The following KRT4 variants were observed in gnomAD, a reference collection of about 807,000 sequenced individuals.
KRT4 encodes keratin 4.
A neutral mutation model predicts 50.6 loss-of-function variants in KRT4; 47 were observed. The ratio of observed to expected loss-of-function variants is 0.93; its 90% confidence interval spans 0.73 to 1.18. The LOEUF (loss-of-function observed/expected upper bound fraction) is 1.18. KRT4 is among the 50% of genes most tolerant of loss of function. The probability of loss-of-function intolerance (pLI) is 0.00; values close to 1 mark genes in which losing one functional copy is unlikely to be tolerated. For synonymous variants in KRT4, 254 were observed against 251.2 expected, an observed-to-expected ratio of 1.01 and a Z score of -0.10; for missense variants, 651 against 645.7, an observed-to-expected ratio of 1.01 and a Z score of -0.09.
chr12:52,812,576 G>C (rs184399703), intron 1 of KRT4, among the ~76,000 whole-genome samples: 13 of 152,276 alleles, frequency 8.5e-5, no homozygotes, highest in Non-Finnish European at 1.9e-4. Context: ...CAGGACAGCA[G>C]CTTAGCATGA....
chr12:52,813,550 G>T (rs199507755), intron 1 of KRT4, 47 bp downstream of exon 1: 1 of 1,542,488 alleles, frequency 6.5e-7, no homozygotes, highest in Non-Finnish European at 9.0e-7. Flanking sequence ...CAGGACTCAG[G>T]ACCCCTCTCT....
At chr12:52,813,536 A>G (rs562495015) in intron 1 of KRT4, 61 bp downstream of exon 1, 2 of 1,450,482 alleles carry the variant, frequency 1.4e-6, no homozygotes, top group Middle Eastern at 2.3e-4. Flanking sequence ...CAGGTCTGAG[A>G]CCCCAGGACT....
intron 1 of KRT4, 48 bp downstream of exon 1, chr12:52,813,548 AG>A (rs758318032): frequency 5.9e-6 from 9 of 1,528,678 alleles, no homozygotes; most frequent in Non-Finnish European, 8.2e-6. Flanking sequence ...CCCAGGACTC[AG>A]GACCCCTCTC....
rs937464890 is a variant in KRT4 at position 52,809,381 on chromosome 12, A to C, written c.834+2T>G. ...GGATGGAGGGGAGGATGGAGCCCTCACCGCATCATAGAGGACCTTCAGGAA... is the reference window on the plus strand; with the variant it reads ...GGATGGAGGGGAGGATGGAGCCCTCCCCGCATCATAGAGGACCTTCAGGAA... On this transcript the variant is annotated splice_donor_variant, in intron 4 of 8. Transcript: ENST00000551956. LOFTEE classifies it high-confidence loss of function. 6.2e-7 allele frequency: 1 copy of C among 1,605,192 alleles called. No individual in the cohort carries two copies. The highest frequency in any genetic ancestry group is 8.5e-7 in the Non-Finnish European group (1 of 1,171,816).
In KRT4 at chr12:52,813,690, G is replaced by A. The variant is rs982728670; in HGVS notation, c.369C>T (p.His123=). The change falls in exon 1 of 9, where the codon CAC becomes CAT. Residue 123 remains histidine, a synonymous_variant. Transcript: ENST00000551956. The part of the protein sequence containing the change: ...TINQSLLTPL[H]VEIDPEIQKV... ...TCTGGATCTCAGGGTCAATCTCCAC[G>A]TGGAGGGGGGTGAGCAAGCTCTGGT... 13 of 1,560,486 alleles carry A rather than the reference G, an allele frequency of 8.3e-6. No homozygotes were observed. Among genetic ancestry groups the A allele is most frequent in the East Asian group, 2.4e-5 (1 of 41,694 alleles).
Position 52,810,818 on chromosome 12 carries a change from T to C in KRT4, c.678-2A>G. ...CGTTTGTTGATCTCCTCTTCATACC[T>C]GGGGGTGGGCACGGGGAGAAAAAGA... On this transcript the variant is annotated splice_acceptor_variant, in intron 2 of 8. Transcript: ENST00000551956. LOFTEE classifies it high-confidence loss of function. The C allele has an allele frequency of 6.2e-7, 1 of 1,613,230 alleles. No homozygotes were observed. The highest frequency in any genetic ancestry group is 8.5e-7 in the Non-Finnish European group (1 of 1,179,182).
In KRT4 at chr12:52,810,678, C is replaced by T. The variant is rs1398970116; in HGVS notation, c.738+78G>A. The stretch of plus-strand genomic sequence containing the variant: ...AGGGATGAGGCAGAGATGGACCAAA[C>T]CCATGACTTCAGCCAAAGACCACTC... On this transcript the variant is annotated intron_variant, in intron 3 of 8. Coordinates refer to ENST00000551956, the MANE Select transcript of KRT4 (RefSeq NM_002272.4). 8.3e-6 allele frequency: 10 copies of T among 1,200,446 alleles called. No individual in the cohort carries two copies. The East Asian group carries it at 2.1e-4, about 25-fold the overall frequency. 74.4% of individuals were successfully genotyped at this position (1,200,446 alleles called of 1,614,324 possible).
Position 52,808,256 on chromosome 12 carries a change from C to G in KRT4, c.1125+38G>C, listed in dbSNP as rs750451810. The G allele has an allele frequency of 3.1e-6, 5 of 1,613,084 alleles. 1 individual carries two copies. The South Asian group carries it at 5.5e-5, about 18-fold the overall frequency. On this transcript the variant is annotated intron_variant, in intron 6 of 8. Coordinates refer to ENST00000551956, the MANE Select transcript of KRT4 (RefSeq NM_002272.4). ...CTCTGGAGATGTCTGCCTGAGGCCC[C>G]TGGCCTTGTGCTCCATCTGGAAGGG...
chr12:52,813,501 G>A (rs1422551152), intron 1 of KRT4, 96 bp downstream of exon 1: 14 of 1,091,096 alleles, frequency 1.3e-5, no homozygotes, highest in Admixed American at 1.0e-4. Context: ...AAGTTCAGTG[G>A]TCTCCCCAGC....
intron 3 of KRT4, among the ~76,000 whole-genome samples, chr12:52,810,501 C>A (rs113416077): frequency 0.012 from 1,838 of 152,172 alleles, 41 homozygotes; most frequent in African/African-American, 0.041. Context: ...GACCCAAGAT[C>A]GCGCCATTGC....
chr12:52,811,644 G>A (rs1015267833), intron 2 of KRT4, 119 bp downstream of exon 2: 8 of 803,970 alleles, frequency 1.0e-5, no homozygotes, highest in South Asian at 1.5e-5. Flanking sequence ...AAACAGACTA[G>A]AGGGCCTTCC....
chr12:52,807,288 C>T (rs1300929878), intron 8 of KRT4, 38 bp from the exon 9 acceptor site: 1 of 1,614,172 alleles, frequency 6.2e-7, no homozygotes, highest in Non-Finnish European at 8.5e-7. Context: ...TATTCCAATG[C>T]TGCCAGCACC....
In KRT4 at chr12:52,807,400, G is replaced by T. The variant is rs756421358; in HGVS notation, c.1347-7C>A. The T allele has an allele frequency of 1.9e-6, 3 of 1,614,148 alleles. No homozygotes were observed. In the South Asian group the frequency reaches 3.3e-5, roughly 18 times the overall value. ...CTGGCATTCTCCAGACATTCTGTAG[G>T]GGAAAGAAAAGGCGGTGAGCCTCAG... On this transcript the variant is annotated splice_polypyrimidine_tract_variant and splice_region_variant and intron_variant, in intron 7 of 8. Transcript: ENST00000551956.
chr12:52,812,003 G>A (rs1332603061), intron 1 of KRT4, 26 bp from the exon 2 acceptor site: 1 of 1,581,848 alleles, frequency 6.3e-7, no homozygotes, highest in Admixed American at 1.7e-5. Flanking sequence ...CACCAGCCAA[G>A]TGATGAGGGC....
chr12:52,808,626 A>G, intron 5 of KRT4, 60 bp downstream of exon 5: 2 of 1,579,476 alleles, frequency 1.3e-6, no homozygotes, highest in Non-Finnish European at 1.7e-6. Flanking sequence ...ACCTGTTCAC[A>G]GACATCAAAA....
chr12:52,809,037 C>T, intron 4 of KRT4, 187 bp from the exon 5 acceptor site: 1 of 704,152 alleles, frequency 1.4e-6, no homozygotes, highest in Non-Finnish European at 2.5e-6. Flanking sequence ...CTTTACTGGT[C>T]CCCAGGAACC....
chr12:52,808,196 G>A (rs1456274160), intron 6 of KRT4, 98 bp downstream of exon 6: 1 of 1,476,076 alleles, frequency 6.8e-7, no homozygotes, highest in Non-Finnish European at 9.4e-7. Flanking sequence ...AACAAGCTCA[G>A]GGTCTTCTGG....
At position 52,806,812 on chromosome 12, in the gene KRT4, G is replaced by A; in HGVS notation, c.*257C>T. ...ATTTTCTTCTCTGTCCATGGGAGGTGAGAGGTCAGCTGACATCCTTCCCAT... is the reference window on the plus strand; with the variant it reads ...ATTTTCTTCTCTGTCCATGGGAGGTAAGAGGTCAGCTGACATCCTTCCCAT... On this transcript the variant is annotated 3_prime_UTR_variant, in exon 9 of 9. Coordinates refer to ENST00000551956, the MANE Select transcript of KRT4 (RefSeq NM_002272.4). The A allele has an allele frequency of 1.8e-6, 1 of 563,370 alleles. No homozygotes were observed. Among genetic ancestry groups the A allele is most frequent in the Non-Finnish European group, 3.2e-6 (1 of 312,486 alleles). 34.9% of individuals were successfully genotyped at this position (563,370 alleles called of 1,614,324 possible).
At chr12:52,811,646 G>A (rs1321967169) in intron 2 of KRT4, 117 bp downstream of exon 2, 8 of 812,772 alleles carry the variant, frequency 9.8e-6, no homozygotes, top group African/African-American at 3.4e-5. Flanking sequence ...ACAGACTAGA[G>A]GGCCTTCCTA....
Sources: allele counts gnomAD v4.1 joint callset (sites outside exome capture counted in the v4.1 genomes callset), GRCh38; gene constraint gnomAD v4.1.1; transcripts MANE v1.5; gene names NCBI Gene and HGNC (gene_info 2026-07-23, HGNC 2026-07-21).